Variants in OR2L13 observed in about 807,000 individuals in gnomAD.
The protein encoded by OR2L13 is olfactory receptor 2L13.
OR2L13 carries 14 observed loss-of-function variants against 15.3 expected under a neutral mutation model. That is an observed-to-expected ratio of 0.91 (90% CI 0.60 to 1.43). The LOEUF (loss-of-function observed/expected upper bound fraction) is 1.43, where lower values mean the gene tolerates loss of function less well. Ranked by LOEUF, OR2L13 falls within the 40% of genes most tolerant of loss-of-function variation. The probability of loss-of-function intolerance (pLI) is 0.00; values close to 1 mark genes in which losing one functional copy is unlikely to be tolerated. For synonymous variants in OR2L13, 152 were observed against 142.9 expected (o/e 1.06, Z -0.45); for missense variants, 367 against 387.9 (o/e 0.95, Z 0.45).
the OR2L13 span, among the ~76,000 whole-genome samples, chr1:248,020,469 A>G: frequency 6.6e-6 from 1 of 152,176 alleles, no homozygotes; most frequent in Non-Finnish European, 1.5e-5. Flanking sequence ...AAGCAAAGAC[A>G]CAGAATACAC....
chr1:247,952,135 G>A, the OR2L13 span, among the ~76,000 whole-genome samples: 2 of 152,158 alleles, frequency 1.3e-5, no homozygotes, highest in Admixed American at 6.5e-5. Flanking sequence ...TTCATACTCA[G>A]AGATGAAATT....
the OR2L13 span, among the ~76,000 whole-genome samples, chr1:248,026,318 C>A: frequency 1.3e-5 from 2 of 152,152 alleles, no homozygotes; most frequent in Non-Finnish European, 2.9e-5. Context: ...CTGCCTTCAC[C>A]ACTCCTGAGA....
the OR2L13 span, chr1:248,060,581 T>G: frequency 1.1e-6 from 1 of 904,184 alleles, no homozygotes; most frequent in Non-Finnish European, 1.7e-6. Flanking sequence ...GTCTCAAGAA[T>G]TTACTGAGGG....
the OR2L13 span, among the ~76,000 whole-genome samples, chr1:248,024,986 A>G: frequency 6.6e-6 from 1 of 152,170 alleles, no homozygotes; most frequent in Non-Finnish European, 1.5e-5. Flanking sequence ...GAATCTATAA[A>G]TTACCTTTTG....
chr1:248,073,149 T>C, the OR2L13 span, among the ~76,000 whole-genome samples: 1 of 152,046 alleles, frequency 6.6e-6, no homozygotes, highest in Non-Finnish European at 1.5e-5. Context: ...GGACTATAAA[T>C]CATGCTGCTA....
chr1:248,026,118 T>C, the OR2L13 span, among the ~76,000 whole-genome samples: 5 of 152,202 alleles, frequency 3.3e-5, no homozygotes, highest in East Asian at 7.7e-4. Context: ...AGAAAAATCA[T>C]TTGGCAAATA....
At chr1:248,033,265 A>C in the OR2L13 span, among the ~76,000 whole-genome samples, 1 of 152,114 alleles carries the variant, frequency 6.6e-6, no homozygotes, top group African/African-American at 2.4e-5. Context: ...ATATGGTGTA[A>C]AGTAAGCATC....
At chr1:247,954,225 C>A in the OR2L13 span, among the ~76,000 whole-genome samples, 6 of 152,084 alleles carry the variant, frequency 3.9e-5, no homozygotes, top group South Asian at 6.2e-4. Context: ...TGTCAACCAC[C>A]ACTACTAAAT....
At chr1:248,004,362 C>T in the OR2L13 span, among the ~76,000 whole-genome samples, 3 of 152,152 alleles carry the variant, frequency 2.0e-5, no homozygotes, top group Non-Finnish European at 4.4e-5. Context: ...ATTTGTCTAA[C>T]CAAAGTTGGC....
At chr1:247,975,670 C>CTAG in the OR2L13 span, 1 of 1,045,324 alleles carries the variant, frequency 9.6e-7, no homozygotes, top group East Asian at 2.4e-5. Context: ...GACAAACTTT[C>CTAG]TGCCTTAGAG....
the OR2L13 span, among the ~76,000 whole-genome samples, chr1:247,942,068 C>G: frequency 1.3e-5 from 2 of 152,126 alleles, no homozygotes; most frequent in Non-Finnish European, 2.9e-5. Flanking sequence ...CATGATCTCA[C>G]TTACATATTG....
At chr1:248,068,104 A>G in the OR2L13 span, among the ~76,000 whole-genome samples, 7 of 152,196 alleles carry the variant, frequency 4.6e-5, no homozygotes, top group East Asian at 1.4e-3. Context: ...TAACCTCTGA[A>G]GACTTAAATG....
At chr1:248,067,424 A>G in the OR2L13 span, among the ~76,000 whole-genome samples, 8 of 152,250 alleles carry the variant, frequency 5.3e-5, no homozygotes, top group Non-Finnish European at 1.2e-4. Flanking sequence ...ACTCCTAAGT[A>G]TAATAAAAAT....
chr1:247,960,251 A>C, the OR2L13 span, among the ~76,000 whole-genome samples: 213 of 152,308 alleles, frequency 1.4e-3, 1 homozygote, highest in African/African-American at 4.9e-3. Context: ...GCTGCAGAAC[A>C]GCGGATATTG....
At chr1:247,945,855 T>A in the OR2L13 span, among the ~76,000 whole-genome samples, 1 of 152,332 alleles carries the variant, frequency 6.6e-6, no homozygotes, top group East Asian at 1.9e-4. Flanking sequence ...TTGGTAAATT[T>A]TCCTCTATCC....
chr1:247,991,202 T>C, the OR2L13 span: 1 of 1,570,658 alleles, frequency 6.4e-7, no homozygotes, highest in Non-Finnish European at 8.7e-7. Context: ...TCAGTGAAAA[T>C]ATAGACATAC....
the OR2L13 span, among the ~76,000 whole-genome samples, chr1:248,031,328 T>C: frequency 6.6e-6 from 1 of 152,192 alleles, no homozygotes; most frequent in African/African-American, 2.4e-5. Context: ...TCATGAGATA[T>C]TGTAACATCG....
chr1:247,963,498 A>G, the OR2L13 span, among the ~76,000 whole-genome samples: 1 of 152,170 alleles, frequency 6.6e-6, no homozygotes, highest in Admixed American at 6.5e-5. Context: ...CTTTTGAAAC[A>G]AGTCCGGCTG....
At chr1:248,070,128 A>G in the OR2L13 span, among the ~76,000 whole-genome samples, 4 of 152,222 alleles carry the variant, frequency 2.6e-5, no homozygotes, top group African/African-American at 9.7e-5. Context: ...AGCAGACCTA[A>G]TAGACATCTA....
Sources: allele counts gnomAD v4.1 joint callset (sites outside exome capture counted in the v4.1 genomes callset), GRCh38; gene constraint gnomAD v4.1.1; transcripts MANE v1.5; gene names NCBI Gene and HGNC (gene_info 2026-07-23, HGNC 2026-07-21).